The following AGMO variants were observed in gnomAD, a reference collection of about 807,000 sequenced individuals.
AGMO encodes glyceryl-ether monooxygenase.
Under a neutral mutation model 60.2 loss-of-function variants are expected in AGMO, and 75 were observed. The ratio of observed to expected loss-of-function variants is 1.25; its 90% confidence interval spans 1.03 to 1.51. The LOEUF (loss-of-function observed/expected upper bound fraction) is 1.51, where lower values mean the gene tolerates loss of function less well. Ranked by LOEUF, AGMO falls within the 40% of genes most tolerant of loss-of-function variation. The pLI is 0.00. For missense variants in AGMO, 763 were observed against 525.5 expected (o/e 1.45, Z -4.42); for synonymous variants, 261 against 177.1 (o/e 1.47, Z -3.76).
chr7:15,288,505 A>T (rs1409358811), intron 12 of AGMO, among the ~76,000 whole-genome samples: 5 of 152,104 alleles, frequency 3.3e-5, no homozygotes, highest in Admixed American at 3.3e-4. Context: ...AGGAAAGATG[A>T]AAGAATCATT....
chr7:15,240,174 G>A (rs546880011), intron 12 of AGMO, among the ~76,000 whole-genome samples: 1 of 152,222 alleles, frequency 6.6e-6, no homozygotes, highest in East Asian at 1.9e-4. Flanking sequence ...TACCTGGTGT[G>A]TTAGGTCTCT....
At chr7:15,153,806 C>A in the AGMO span, among the ~76,000 whole-genome samples, 1 of 151,936 alleles carries the variant, frequency 6.6e-6, no homozygotes, top group Non-Finnish European at 1.5e-5. Flanking sequence ...CTTAGTCTTG[C>A]TTTTGGCTAT....
chr7:15,197,753 G>A (rs192754843), downstream of AGMO, among the ~76,000 whole-genome samples: 32 of 152,248 alleles, frequency 2.1e-4, no homozygotes, highest in African/African-American at 7.2e-4. Context: ...CTTATCCTGA[G>A]AACTTTTTTT....
chr7:15,479,118 A>G (rs1206749176), intron 3 of AGMO, among the ~76,000 whole-genome samples: 2 of 152,186 alleles, frequency 1.3e-5, no homozygotes, highest in Admixed American at 1.3e-4. Flanking sequence ...GTGCAAGGAT[A>G]TATTGTTTTA....
At chr7:15,328,736 C>T (rs1219383533) in intron 12 of AGMO, among the ~76,000 whole-genome samples, 1 of 152,172 alleles carries the variant, frequency 6.6e-6, no homozygotes, top group Non-Finnish European at 1.5e-5. Context: ...TACATTACTC[C>T]TCTGCTCACC....
At chr7:15,536,340 C>A (rs1784483830) in intron 3 of AGMO, among the ~76,000 whole-genome samples, 4 of 151,812 alleles carry the variant, frequency 2.6e-5, no homozygotes, top group Admixed American at 2.6e-4. Flanking sequence ...TTCTCCAAAG[C>A]CCTTCAATGA....
At chr7:15,442,209 C>A (rs1371684875) in intron 3 of AGMO, among the ~76,000 whole-genome samples, 1 of 152,112 alleles carries the variant, frequency 6.6e-6, no homozygotes, top group Admixed American at 6.5e-5. Context: ...AAGCAATCTG[C>A]CCCTGTGATA....
chr7:15,437,448 T>C (rs1489282963), intron 3 of AGMO, among the ~76,000 whole-genome samples: 1 of 152,126 alleles, frequency 6.6e-6, no homozygotes, highest in East Asian at 1.9e-4. Context: ...ATATTTTTGT[T>C]CCACACATTT....
intron 3 of AGMO, among the ~76,000 whole-genome samples, chr7:15,446,960 A>G (rs1264499856): frequency 6.6e-6 from 1 of 152,144 alleles, no homozygotes; most frequent in South Asian, 2.1e-4. Context: ...GAAGTTCTTT[A>G]ATGGCAATAA....
At chr7:15,299,067 C>A (rs566926953) in intron 12 of AGMO, among the ~76,000 whole-genome samples, 1 of 152,208 alleles carries the variant, frequency 6.6e-6, no homozygotes, top group East Asian at 1.9e-4. Flanking sequence ...CATCTCTAGC[C>A]ACTCTTTCAT....
At chr7:15,386,794 G>C (rs184941184) in intron 9 of AGMO, among the ~76,000 whole-genome samples, 633 of 152,218 alleles carry the variant, frequency 4.2e-3, no homozygotes, top group Middle Eastern at 6.8e-3. Context: ...TGATTAAAAA[G>C]CACCTTCTCT....
At chr7:15,296,275 C>T (rs1174062355) in intron 12 of AGMO, among the ~76,000 whole-genome samples, 5 of 151,882 alleles carry the variant, frequency 3.3e-5, no homozygotes, top group African/African-American at 9.7e-5. Context: ...TAGACTTCTA[C>T]GTAACTTCCA....
chr7:15,363,033 A>T (rs1005852133), intron 12 of AGMO, among the ~76,000 whole-genome samples: 1 of 152,224 alleles, frequency 6.6e-6, no homozygotes, highest in Non-Finnish European at 1.5e-5. Flanking sequence ...TAATGGAAGT[A>T]ACTACATCAT....
intron 12 of AGMO, among the ~76,000 whole-genome samples, chr7:15,282,931 A>T (rs2072554669): frequency 6.6e-6 from 1 of 152,212 alleles, no homozygotes; most frequent in African/African-American, 2.4e-5. Flanking sequence ...TTAAGGTCTT[A>T]TCTTTAGCTT....
chr7:15,176,928 G>A, the AGMO span, among the ~76,000 whole-genome samples: 5 of 151,868 alleles, frequency 3.3e-5, no homozygotes, highest in Non-Finnish European at 7.4e-5. Flanking sequence ...AAAAAGACAT[G>A]GGTTATTATG....
At chr7:15,479,765 T>C (rs536840083) in intron 3 of AGMO, among the ~76,000 whole-genome samples, 2 of 152,298 alleles carry the variant, frequency 1.3e-5, no homozygotes, top group Admixed American at 1.3e-4. Flanking sequence ...GAAGAGGACA[T>C]GGGCTCTGCT....
the AGMO span, among the ~76,000 whole-genome samples, chr7:15,125,042 T>A: frequency 6.6e-6 from 1 of 150,876 alleles, no homozygotes; most frequent in Non-Finnish European, 1.5e-5. Context: ...ACAGTATTTT[T>A]GGAATGGGAT....
intron 5 of AGMO, among the ~76,000 whole-genome samples, chr7:15,415,553 T>C (rs573382136): frequency 1.6e-4 from 24 of 151,878 alleles, no homozygotes; most frequent in Admixed American, 5.2e-4. Flanking sequence ...GAAAAAAAAA[T>C]ATCATTGAAT....
In AGMO at chr7:15,276,328, T is replaced by A. The variant is rs140129267; in HGVS notation, c.1264-74969A>T. ...GATACAAAAGTATCGACTGGCATTT[T>A]TTTTTTTCTTTAAAGAGGCCAAAAA... On this transcript the variant is annotated intron_variant, in intron 12 of 12. Coordinates refer to ENST00000342526, the MANE Select transcript of AGMO (RefSeq NM_001004320.2). Among the ~76,000 whole-genome samples the A allele has an allele frequency of 8.9e-4, 136 of 152,244 alleles. 1 individual carries two copies. Among genetic ancestry groups the A allele is most frequent in the Middle Eastern group, 6.8e-3 (2 of 294 alleles).
Sources: allele counts gnomAD v4.1 joint callset (sites outside exome capture counted in the v4.1 genomes callset), GRCh38; gene constraint gnomAD v4.1.1; transcripts MANE v1.5; gene names NCBI Gene and HGNC (gene_info 2026-07-23, HGNC 2026-07-21).